MECOM: variants seen among roughly 807,000 people sequenced by gnomAD.
The protein encoded by MECOM is MDS1 and EVI1 complex locus.
MECOM carries 13 observed loss-of-function variants against 116.3 expected under a neutral mutation model. That is an observed-to-expected ratio of 0.11 (90% CI 0.07 to 0.18). The LOEUF (loss-of-function observed/expected upper bound fraction) is 0.18. Among genes scored for constraint, MECOM ranks in the 10% least tolerant of loss-of-function variants. MECOM has a pLI of 1.00. For synonymous variants in MECOM, 528 were observed against 535.2 expected (o/e 0.99, Z 0.19); for missense variants, 1,299 against 1,509.0 (o/e 0.86, Z 2.31).
Position 169,321,409 on chromosome 3 carries a change from A to T in MECOM, c.375+59778T>A, listed in dbSNP as rs138431858. Among the ~76,000 whole-genome samples, 19 of 152,166 alleles carry T rather than the reference A, an allele frequency of 1.2e-4. No homozygotes were observed. The East Asian group carries it at 3.7e-3, about 30-fold the overall frequency. Reference sequence around the variant, plus strand: ...CCCAAAATTAGCTGGGCATGGTGGCACGCGCCTTTACTCACAGCTACTTGG... The same window carrying T: ...CCCAAAATTAGCTGGGCATGGTGGCTCGCGCCTTTACTCACAGCTACTTGG... On this transcript the variant is annotated intron_variant, in intron 2 of 16. Coordinates refer to ENST00000651503, the MANE Select transcript of MECOM (RefSeq NM_004991.4).
At chr3:169,452,216 T>C (rs2108673887) in intron 1 of MECOM, among the ~76,000 whole-genome samples, 1 of 152,188 alleles carries the variant, frequency 6.6e-6, no homozygotes, top group Middle Eastern at 3.4e-3. Flanking sequence ...AGAGCAAAGC[T>C]GATTTCTTTG....
At chr3:169,108,664 A>G (rs1322504545) in intron 9 of MECOM, among the ~76,000 whole-genome samples, 1 of 152,198 alleles carries the variant, frequency 6.6e-6, no homozygotes, top group Non-Finnish European at 1.5e-5. Context: ...TATATTTAAT[A>G]AGGAATATAT....
At chr3:169,149,607 C>T (rs753803204) in intron 2 of MECOM, 3 of 442,298 alleles carry the variant, frequency 6.8e-6, no homozygotes, top group Admixed American at 2.2e-5. Context: ...CCCGCCGTTC[C>T]GCGTCCTTCC....
At chr3:169,094,087 TA>T (rs1446030574) in intron 13 of MECOM, among the ~76,000 whole-genome samples, 3 of 152,198 alleles carry the variant, frequency 2.0e-5, no homozygotes, top group Non-Finnish European at 2.9e-5. Flanking sequence ...TAAAATCTAA[TA>T]TTTTAAAACT....
rs144085622 is a variant in MECOM, at chr3:169,089,137, T to C, written c.3448A>G (p.Ile1150Val). ...YKSGLSALDHIRHFTDSLKMR... is the reference protein window; with the variant it reads ...YKSGLSALDHVRHFTDSLKMR... ...TTGAGGCTATCTGTGAAGTGCCTTA[T>C]ATGATCTAGAGCAGAAAGTCCACTT... Residue 1150 changes from isoleucine (I) to valine (V), a missense_variant, in exon 16 of 17, where the codon ATA becomes GTA. Around this residue, in one of 6 missense-constraint regions of MECOM, gnomAD observed 273 missense variants for 289.3 expected, o/e 0.94. Coordinates refer to ENST00000651503, the MANE Select transcript of MECOM (RefSeq NM_004991.4). 1.4e-4 allele frequency: 222 copies of C among 1,599,020 alleles called. No individual in the cohort carries two copies. In the African/African-American group the frequency reaches 2.6e-3, roughly 18 times the overall value.
At chr3:169,242,512 G>A (rs1755001900) in intron 2 of MECOM, among the ~76,000 whole-genome samples, 1 of 152,056 alleles carries the variant, frequency 6.6e-6, no homozygotes, top group Non-Finnish European at 1.5e-5. Context: ...AGACTGCTCC[G>A]AACCTCATCC....
At chr3:169,369,830 GC>G (rs1346284704) in intron 2 of MECOM, among the ~76,000 whole-genome samples, 3 of 151,796 alleles carry the variant, frequency 2.0e-5, no homozygotes, top group African/African-American at 7.3e-5. Context: ...AAACAATATT[GC>G]AAAGCTTAAT....
At chr3:169,363,756 C>T (rs1409088072) in intron 2 of MECOM, among the ~76,000 whole-genome samples, 4 of 151,788 alleles carry the variant, frequency 2.6e-5, no homozygotes, top group East Asian at 1.9e-4. Context: ...TATTCCACCC[C>T]GAGACTGAAC....
chr3:169,478,856 GA>G (rs1477742725), intron 1 of MECOM, among the ~76,000 whole-genome samples: 1 of 152,148 alleles, frequency 6.6e-6, no homozygotes, highest in Non-Finnish European at 1.5e-5. Context: ...ACAATTCAGA[GA>G]GCACAGATTA....
chr3:169,559,509 G>A (rs1762414275), intron 1 of MECOM, among the ~76,000 whole-genome samples: 1 of 152,066 alleles, frequency 6.6e-6, no homozygotes, highest in Non-Finnish European at 1.5e-5. Context: ...ACACCTCCTG[G>A]GGTGTACACT....
chr3:169,580,264 G>A (rs1005465169), intron 1 of MECOM, among the ~76,000 whole-genome samples: 2 of 152,138 alleles, frequency 1.3e-5, no homozygotes, highest in South Asian at 2.1e-4. Flanking sequence ...AACAGATGAC[G>A]TTTGGTTACA....
At chr3:169,531,740 A>G (rs1196929126) in intron 1 of MECOM, among the ~76,000 whole-genome samples, 1 of 152,240 alleles carries the variant, frequency 6.6e-6, no homozygotes, top group Non-Finnish European at 1.5e-5. Flanking sequence ...CTTAAATCAC[A>G]TGAAAATAAA....
intron 2 of MECOM, among the ~76,000 whole-genome samples, chr3:169,241,772 C>G (rs1754840812): frequency 6.6e-6 from 1 of 152,138 alleles, no homozygotes; most frequent in South Asian, 2.1e-4. Flanking sequence ...AATGTTGCAT[C>G]ACAAGATATC....
intron 1 of MECOM, among the ~76,000 whole-genome samples, chr3:169,427,043 A>G (rs1295248895): frequency 6.6e-6 from 1 of 152,176 alleles, no homozygotes; most frequent in Non-Finnish European, 1.5e-5. Flanking sequence ...TTTTTCAATA[A>G]CAAGCATGGA....
chr3:169,250,928 C>A (rs1756171462), intron 2 of MECOM, among the ~76,000 whole-genome samples: 1 of 152,084 alleles, frequency 6.6e-6, no homozygotes, highest in African/African-American at 2.4e-5. Flanking sequence ...TCAAAACTCA[C>A]AAAGAAGATT....
At chr3:169,388,775 C>T (rs983880818) in intron 1 of MECOM, among the ~76,000 whole-genome samples, 1 of 152,174 alleles carries the variant, frequency 6.6e-6, no homozygotes, top group African/African-American at 2.4e-5. Context: ...TGGAAATAAT[C>T]TATCAACATG....
intron 1 of MECOM, among the ~76,000 whole-genome samples, chr3:169,436,463 T>G (rs1488562823): frequency 1.3e-5 from 2 of 152,112 alleles, no homozygotes; most frequent in Non-Finnish European, 1.5e-5. Flanking sequence ...CTGGTCAGGC[T>G]GGTCTCAAAC....
intron 1 of MECOM, among the ~76,000 whole-genome samples, chr3:169,642,519 C>CAA (rs199958924): frequency 3.0e-5 from 4 of 133,172 alleles, no homozygotes; most frequent in African/African-American, 8.2e-5. Flanking sequence ...CAACTAACAA[C>CAA]AAAAAAAAAA....
intron 2 of MECOM, among the ~76,000 whole-genome samples, chr3:169,250,733 C>A (rs531135433): frequency 3.9e-4 from 60 of 152,020 alleles, no homozygotes; most frequent in African/African-American, 1.4e-3. Flanking sequence ...CTATGGCCAA[C>A]TAACTGAAAT....
Sources: gnomAD v4.1 joint callset for allele counts (sites outside exome capture counted in the v4.1 genomes callset) on GRCh38, gnomAD v4.1.1 for gene constraint, gnomAD v4.1.1 regional missense constraint, MANE v1.5 for transcripts, NCBI Gene and HGNC (gene_info 2026-07-23, HGNC 2026-07-21) for gene names.